The following LGSN variants were observed in gnomAD, a reference collection of about 807,000 sequenced individuals.
LGSN encodes lengsin.
In LGSN, 21 loss-of-function variants were observed where a neutral mutation model predicts 19.5. The observed-to-expected ratio is 1.07, with a 90% CI of 0.76 to 1.55. The LOEUF is 1.55. Ranked by LOEUF, LGSN falls within the 40% of genes most tolerant of loss-of-function variation. The probability of loss-of-function intolerance (pLI) is 0.00; values close to 1 mark genes in which losing one functional copy is unlikely to be tolerated. For synonymous variants in LGSN, 257 were observed against 215.6 expected, an observed-to-expected ratio of 1.19 and a Z score of -1.68; for missense variants, 673 against 608.5, an observed-to-expected ratio of 1.11 and a Z score of -1.12.
the LGSN span, chr6:63,480,711 C>T: frequency 3.3e-5 from 5 of 151,488 alleles, no homozygotes; most frequent in African/African-American, 1.2e-4. Context: ...ATAAGTACAA[C>T]CTCTATGGAA....
the LGSN span, among the ~76,000 whole-genome samples, chr6:63,427,500 C>T: frequency 6.6e-6 from 1 of 152,132 alleles, no homozygotes; most frequent in East Asian, 1.9e-4. Flanking sequence ...TCCTGATCTG[C>T]CCTCACAATA....
the LGSN span, among the ~76,000 whole-genome samples, chr6:63,546,831 T>A: frequency 3.9e-5 from 6 of 152,194 alleles, no homozygotes; most frequent in Admixed American, 6.5e-5. Flanking sequence ...ATAGATTAGA[T>A]CTTAAATTTT....
the LGSN span, among the ~76,000 whole-genome samples, chr6:63,447,687 C>T: frequency 6.6e-6 from 1 of 152,040 alleles, no homozygotes; most frequent in African/African-American, 2.4e-5. Flanking sequence ...ATTCTTGTCA[C>T]AATCTTGGAA....
At chr6:63,326,468 T>C in the LGSN span, among the ~76,000 whole-genome samples, 1 of 152,094 alleles carries the variant, frequency 6.6e-6, no homozygotes, top group Admixed American at 6.5e-5. Context: ...AGCCCTTGGG[T>C]GGTCGATGGG....
the LGSN span, among the ~76,000 whole-genome samples, chr6:63,499,935 C>A: frequency 6.6e-6 from 1 of 151,216 alleles, no homozygotes; most frequent in Admixed American, 6.6e-5. Flanking sequence ...GCTTTCTGAG[C>A]TCCTTATTTA....
chr6:63,483,826 C>CT, the LGSN span, among the ~76,000 whole-genome samples: 414 of 145,200 alleles, frequency 2.9e-3, 1 homozygote, highest in Non-Finnish European at 5.1e-3. Context: ...TTTTTCTTTT[C>CT]TTTTTTTTTT....
At chr6:63,391,504 C>T in the LGSN span, among the ~76,000 whole-genome samples, 1 of 152,208 alleles carries the variant, frequency 6.6e-6, no homozygotes, top group Non-Finnish European at 1.5e-5. Flanking sequence ...TCTGCTTGTA[C>T]CTCTGTATCC....
chr6:63,378,662 G>A, the LGSN span, among the ~76,000 whole-genome samples: 15 of 152,086 alleles, frequency 9.9e-5, no homozygotes, highest in Non-Finnish European at 1.8e-4. Context: ...GGAGGCAAGA[G>A]ACAAAAAGGA....
At chr6:63,423,473 CA>C in the LGSN span, among the ~76,000 whole-genome samples, 3,791 of 126,584 alleles carry the variant, frequency 0.03, 106 homozygotes, top group African/African-American at 0.078. Context: ...CTGTCTCTAC[CA>C]AAAAAAAAAA....
the LGSN span, chr6:63,396,501 C>T: frequency 6.3e-6 from 1 of 158,962 alleles, no homozygotes; most frequent in Non-Finnish European, 1.4e-5. Context: ...GATGGGCAGC[C>T]TCAGGTATTT....
intron 2 of LGSN, among the ~76,000 whole-genome samples, chr6:63,292,786 T>C (rs1424566887): frequency 6.6e-6 from 1 of 152,246 alleles, no homozygotes; most frequent in Non-Finnish European, 1.5e-5. Flanking sequence ...ATCCTTTTAG[T>C]GTAATAAACC....
chr6:63,453,936 G>A, the LGSN span, among the ~76,000 whole-genome samples: 1 of 152,126 alleles, frequency 6.6e-6, no homozygotes, highest in African/African-American at 2.4e-5. Flanking sequence ...GATTACAGGC[G>A]TGAGCCACCG....
At chr6:63,475,877 A>G in the LGSN span, among the ~76,000 whole-genome samples, 1 of 152,304 alleles carries the variant, frequency 6.6e-6, no homozygotes, top group South Asian at 2.1e-4. Context: ...GACTGCTGAA[A>G]TTCTGGCAGG....
the LGSN span, among the ~76,000 whole-genome samples, chr6:63,382,092 A>C: frequency 6.6e-6 from 1 of 152,306 alleles, no homozygotes; most frequent in South Asian, 2.1e-4. Context: ...TCTCACTTTC[A>C]AGAGGAAACA....
chr6:63,345,350 G>A, the LGSN span, among the ~76,000 whole-genome samples: 11 of 152,216 alleles, frequency 7.2e-5, no homozygotes, highest in East Asian at 1.5e-3. Flanking sequence ...TGTCAGCTAA[G>A]ATTGGGTTCA....
chr6:63,526,833 ATATTTATT>A, the LGSN span, among the ~76,000 whole-genome samples: 20 of 128,000 alleles, frequency 1.6e-4, no homozygotes, highest in Middle Eastern at 4.0e-3. Flanking sequence ...ATATATATAT[ATATTTATT>A]TATTTATTCT....
At chr6:63,411,015 G>A in the LGSN span, among the ~76,000 whole-genome samples, 6 of 152,254 alleles carry the variant, frequency 3.9e-5, no homozygotes, top group Non-Finnish European at 7.4e-5. Flanking sequence ...GAGTTAGTAG[G>A]AAATGTAAAT....
chr6:63,316,955 T>A (rs1481307669), intron 1 of LGSN, among the ~76,000 whole-genome samples: 1 of 152,090 alleles, frequency 6.6e-6, no homozygotes, highest in African/African-American at 2.4e-5. Flanking sequence ...AAAATTATGA[T>A]ATGCCTGTAA....
the LGSN span, among the ~76,000 whole-genome samples, chr6:63,373,409 A>G: frequency 6.6e-6 from 1 of 152,200 alleles, no homozygotes; most frequent in South Asian, 2.1e-4. Flanking sequence ...AACTCCTAAT[A>G]TGCTACACTG....
Sources: allele counts gnomAD v4.1 joint callset (sites outside exome capture counted in the v4.1 genomes callset), GRCh38; gene constraint gnomAD v4.1.1; transcripts MANE v1.5; gene names NCBI Gene and HGNC (gene_info 2026-07-23, HGNC 2026-07-21).